VPS8: variants seen among roughly 807,000 people sequenced by gnomAD.
VPS8 encodes vacuolar protein sorting-associated protein 8 homolog.
Under a neutral mutation model 216.4 loss-of-function variants are expected in VPS8, and 129 were observed. The ratio of observed to expected loss-of-function variants is 0.60; its 90% CI spans 0.52 to 0.69. VPS8 has a LOEUF of 0.69. Ranked by LOEUF, VPS8 falls within the 30% of genes least tolerant of loss-of-function variation. The pLI, the probability that VPS8 is intolerant of heterozygous loss-of-function variation, is 0.00. For missense variants in VPS8, 1,531 were observed against 1,683.5 expected, an observed-to-expected ratio of 0.91 and a Z score of 1.59; for synonymous variants, 571 against 565.4, an observed-to-expected ratio of 1.01 and a Z score of -0.14.
At chr3:184,911,255 T>G (rs1213552248) in intron 25 of VPS8, among the ~76,000 whole-genome samples, 1 of 152,208 alleles carries the variant, frequency 6.6e-6, no homozygotes, top group Non-Finnish European at 1.5e-5. Flanking sequence ...TACAGAAATG[T>G]CACATACTCT....
chr3:185,034,331 A>G (rs375260725), intron 46 of VPS8, among the ~76,000 whole-genome samples: 2 of 152,046 alleles, frequency 1.3e-5, no homozygotes, highest in South Asian at 2.1e-4. Flanking sequence ...AGTAATAGCC[A>G]TCCTGATGAT....
intron 15 of VPS8, among the ~76,000 whole-genome samples, 158 bp downstream of exon 15, chr3:184,860,223 G>A (rs946144214): frequency 6.6e-6 from 1 of 151,940 alleles, no homozygotes; most frequent in Non-Finnish European, 1.5e-5. Context: ...TGTAGTCCCA[G>A]CTACTTGGGA....
At chr3:184,934,081 G>A (rs1741178625) in intron 34 of VPS8, among the ~76,000 whole-genome samples, 1 of 152,056 alleles carries the variant, frequency 6.6e-6, no homozygotes, top group Non-Finnish European at 1.5e-5. Flanking sequence ...ATCTATGACT[G>A]TATGGTATAA....
At chr3:184,822,968 G>A (rs966088493) in intron 1 of VPS8, among the ~76,000 whole-genome samples, 3 of 152,158 alleles carry the variant, frequency 2.0e-5, no homozygotes, top group African/African-American at 7.2e-5. Flanking sequence ...AAAGAAATTA[G>A]TCTGTATTTG....
chr3:184,919,282 G>A (rs1738186089), intron 28 of VPS8, among the ~76,000 whole-genome samples: 2 of 152,166 alleles, frequency 1.3e-5, no homozygotes, highest in African/African-American at 4.8e-5. Flanking sequence ...CAAGGAAATA[G>A]CAATAAATTA....
intron 8 of VPS8, among the ~76,000 whole-genome samples, chr3:184,844,973 T>C (rs923211792): frequency 1.3e-5 from 2 of 152,236 alleles, no homozygotes; most frequent in Admixed American, 1.3e-4. Context: ...TCTCATTTCA[T>C]ATTTCTTGCC....
intron 34 of VPS8, among the ~76,000 whole-genome samples, chr3:184,935,642 A>C (rs1741474350): frequency 6.6e-6 from 1 of 152,198 alleles, no homozygotes; most frequent in African/African-American, 2.4e-5. Flanking sequence ...TTTTAAAAAG[A>C]AAAGGATAGT....
At chr3:184,964,215 A>G (rs771027392) in intron 37 of VPS8, among the ~76,000 whole-genome samples, 33 of 152,038 alleles carry the variant, frequency 2.2e-4, no homozygotes, top group East Asian at 5.8e-4. Flanking sequence ...CAGTGTGTAT[A>G]CCTAATTCAG....
chr3:185,048,339 A>G (rs2108544114), intron 46 of VPS8, 140 bp from the exon 47 acceptor site: 3 of 785,264 alleles, frequency 3.8e-6, no homozygotes, highest in East Asian at 5.2e-5. Context: ...TTCAGTATAT[A>G]TCTCACTAAT....
chr3:184,825,950 AGTG>A (rs1359380788), intron 2 of VPS8, among the ~76,000 whole-genome samples: 1 of 151,918 alleles, frequency 6.6e-6, no homozygotes, highest in Non-Finnish European at 1.5e-5. Flanking sequence ...TAGTGCAGTT[AGTG>A]CATATATGTC....
At chr3:185,026,410 CTTTT>C (rs3045678) in intron 46 of VPS8, among the ~76,000 whole-genome samples, 4 of 119,116 alleles carry the variant, frequency 3.4e-5, no homozygotes, top group Admixed American at 9.0e-5. Flanking sequence ...GGCTGTATTT[CTTTT>C]TTTTTTTTTT....
intron 21 of VPS8, among the ~76,000 whole-genome samples, chr3:184,885,771 G>A (rs9647364): frequency 4.7e-4 from 72 of 152,170 alleles, no homozygotes; most frequent in Admixed American, 1.8e-3. Context: ...ATTTTCCCAT[G>A]TTGTTGAATG....
chr3:184,944,169 C>T (rs1743261454), intron 36 of VPS8, among the ~76,000 whole-genome samples: 1 of 152,196 alleles, frequency 6.6e-6, no homozygotes, highest in Non-Finnish European at 1.5e-5. Context: ...GTGGATATTT[C>T]TCTATGTCTT....
chr3:185,040,061 C>T (rs1759433917), intron 46 of VPS8, among the ~76,000 whole-genome samples: 1 of 152,100 alleles, frequency 6.6e-6, no homozygotes, highest in Non-Finnish European at 1.5e-5. Context: ...TTTAAACAAC[C>T]ACCTCTCATG....
chr3:184,829,287 C>T (rs1033334654), intron 3 of VPS8, among the ~76,000 whole-genome samples: 1 of 152,178 alleles, frequency 6.6e-6, no homozygotes, highest in Non-Finnish European at 1.5e-5. Flanking sequence ...GATCAGGGCT[C>T]ACTGCAACCT....
At chr3:184,898,400 G>T (rs1326904122) in intron 23 of VPS8, among the ~76,000 whole-genome samples, 165 bp from the exon 24 acceptor site, 1 of 152,196 alleles carries the variant, frequency 6.6e-6, no homozygotes, top group Non-Finnish European at 1.5e-5. Flanking sequence ...ACCTACAGCA[G>T]CTCTTACCCT....
At position 185,051,942 on chromosome 3, in the gene VPS8, C is replaced by T; in HGVS notation, c.4204C>T (p.Gln1402Ter). The T allele has an allele frequency of 6.2e-7, 1 of 1,613,606 alleles. No homozygotes were observed. The highest frequency in any genetic ancestry group is 1.3e-5 in the African/African-American group (1 of 75,062). ...SESYRPFSGS[Q>*]SAPAFNSIFQ... is the part of the protein sequence containing the mutation. ...GAGCTATAGGCCATTCAGTGGCTCGCAGAGTGCTCCTGCTTTCAACAGCAT... is the reference window on the plus strand; with the variant it reads ...GAGCTATAGGCCATTCAGTGGCTCGTAGAGTGCTCCTGCTTTCAACAGCAT... Residue 1402 changes from glutamine to a stop codon, truncating the protein, a stop_gained, in exon 48 of 48, where the codon CAG (glutamine) becomes TAG (stop). Transcript: ENST00000625842. LOFTEE classifies it high-confidence loss of function.
Position 184,860,029 on chromosome 3 carries a change from G to C in VPS8, c.1188G>C (p.Lys396Asn), listed in dbSNP as rs563963436. Residue 396 changes from lysine to asparagine, a missense_variant, in exon 15 of 48, where the codon AAG (lysine) becomes AAC (asparagine). Physicochemically the swap from Lys to Asn is moderately conservative, Grantham distance 94. Transcript: ENST00000625842. ...GAGCAATACATGTTACTAAGCAAAAGCATCTTCACCTATACTATGACCTCA... is the reference window on the plus strand; with the variant it reads ...GAGCAATACATGTTACTAAGCAAAACCATCTTCACCTATACTATGACCTCA... The part of the protein sequence containing the change: ...ESGAIHVTKQ[K>N]HLHLYYDLIN... 6 of 1,613,178 alleles carry C rather than the reference G, an allele frequency of 3.7e-6. No homozygotes were observed. The Admixed American group carries it at 1.0e-4, about 27-fold the overall frequency.
chr3:184,980,001 T>C (rs1279265664), intron 40 of VPS8, among the ~76,000 whole-genome samples: 2 of 152,238 alleles, frequency 1.3e-5, no homozygotes, highest in African/African-American at 4.8e-5. Flanking sequence ...GTAACGAATT[T>C]CCTTAGCATT....
Sources: gnomAD v4.1 joint callset for allele counts (sites outside exome capture counted in the v4.1 genomes callset) on GRCh38, gnomAD v4.1.1 for gene constraint, MANE v1.5 for transcripts, NCBI Gene and HGNC (gene_info 2026-07-23, HGNC 2026-07-21) for gene names.